KCNT2: variants seen among roughly 807,000 people sequenced by gnomAD.
KCNT2 encodes the protein potassium sodium-activated channel subfamily T member 2, also known as potassium channel subfamily T member 2.
KCNT2 carries 67 observed loss-of-function variants against 153.8 expected under a neutral mutation model. That is an observed-to-expected ratio of 0.44 (90% CI 0.36 to 0.53). The LOEUF is 0.53. KCNT2 is among the 20% of genes least tolerant of loss of function. The pLI is 0.00. For missense variants in KCNT2, 975 were observed against 1,354.8 expected (o/e 0.72, Z 4.40); for synonymous variants, 500 against 458.8 (o/e 1.09, Z -1.15).
At chr1:196,394,718 T>G (rs925842721) in intron 13 of KCNT2, among the ~76,000 whole-genome samples, 1 of 151,544 alleles carries the variant, frequency 6.6e-6, no homozygotes, top group African/African-American at 2.4e-5. Context: ...TCTTTTTAAT[T>G]TTCCTTGTAG....
At chr1:196,463,936 A>C (rs1055812205) in intron 8 of KCNT2, among the ~76,000 whole-genome samples, 1 of 151,854 alleles carries the variant, frequency 6.6e-6, no homozygotes, top group Admixed American at 6.6e-5. Flanking sequence ...CCTTTTTCTC[A>C]CACTAACATC....
At chr1:196,299,648 G>A (rs1159924461) in intron 22 of KCNT2, among the ~76,000 whole-genome samples, 2 of 152,086 alleles carry the variant, frequency 1.3e-5, no homozygotes, top group African/African-American at 4.8e-5. Flanking sequence ...ATAACTGTTG[G>A]TTATAAGAAT....
intron 13 of KCNT2, among the ~76,000 whole-genome samples, chr1:196,383,425 G>C (rs911477786): frequency 6.6e-6 from 1 of 152,140 alleles, no homozygotes; most frequent in Non-Finnish European, 1.5e-5. Context: ...CTCAATTGCT[G>C]TATTTATCAT....
chr1:196,392,189 G>GT lies in KCNT2; in HGVS notation c.1294+6373dup, dbSNP rs902000651. Among the ~76,000 whole-genome samples the GT allele has an allele frequency of 7.3e-5, 11 of 151,046 alleles. No homozygotes were observed. The South Asian group carries it at 1.0e-3, about 14-fold the overall frequency. ...TTTGAATGTAGATGGAGAGAATATG[G>GT]TTTTTTTTAATTGTGTAACTGTTTT... On this transcript the variant is annotated intron_variant, in intron 13 of 27. Transcript: ENST00000294725.
intron 24 of KCNT2, among the ~76,000 whole-genome samples, chr1:196,281,946 T>C (rs1199867673): frequency 6.6e-6 from 1 of 151,904 alleles, no homozygotes; most frequent in African/African-American, 2.4e-5. Flanking sequence ...AGACGGGGTT[T>C]CACTGTGTTA....
intron 14 of KCNT2, among the ~76,000 whole-genome samples, chr1:196,368,258 A>G (rs1668207787): frequency 6.6e-6 from 1 of 152,164 alleles, no homozygotes; most frequent in South Asian, 2.1e-4. Flanking sequence ...TCCCTTTATC[A>G]TGCAGAAGCA....
chr1:196,365,184 T>C (rs1667936845), intron 14 of KCNT2, among the ~76,000 whole-genome samples: 1 of 152,102 alleles, frequency 6.6e-6, no homozygotes, highest in South Asian at 2.1e-4. Context: ...TATTTGCTTA[T>C]ACTAATAGAA....
At chr1:196,285,003 TTGTC>T (rs764222596) in intron 23 of KCNT2, among the ~76,000 whole-genome samples, 44 of 152,354 alleles carry the variant, frequency 2.9e-4, no homozygotes, top group Non-Finnish European at 4.4e-4. Flanking sequence ...TATTTAGAGA[TTGTC>T]TGATTACTTG....
intron 8 of KCNT2, among the ~76,000 whole-genome samples, chr1:196,444,825 G>T (rs527356613): frequency 1.3e-4 from 19 of 151,410 alleles, no homozygotes; most frequent in South Asian, 4.1e-4. Context: ...TACTGATATT[G>T]TGAGTGGTTC....
chr1:196,280,797 C>G lies in KCNT2; in HGVS notation c.2910+63G>C, dbSNP rs1238500037. On this transcript the variant is annotated intron_variant, in intron 25 of 27. Coordinates refer to ENST00000294725, the MANE Select transcript of KCNT2 (RefSeq NM_198503.5). ...CATTTTTTATAAATCAGTTTATAAG[C>G]TTATGAATGATTGCACTCATCAGAT... 3 of 1,401,690 alleles carry G rather than the reference C, an allele frequency of 2.1e-6. No homozygotes were observed. The Admixed American group carries it at 5.2e-5, about 24-fold the overall frequency. 86.8% of individuals were successfully genotyped at this position (1,401,690 alleles called of 1,614,324 possible).
chr1:196,549,244 C>A (rs1423627540), intron 1 of KCNT2, among the ~76,000 whole-genome samples: 1 of 151,610 alleles, frequency 6.6e-6, no homozygotes, highest in Non-Finnish European at 1.5e-5. Flanking sequence ...TCTATTGTGA[C>A]CCTGTTTTGT....
chr1:196,596,720 T>TTTTG (rs1664131621), intron 1 of KCNT2, among the ~76,000 whole-genome samples: 1 of 152,152 alleles, frequency 6.6e-6, no homozygotes, highest in South Asian at 2.1e-4. Flanking sequence ...CAATTATTTA[T>TTTTG]TTTGTTTGTT....
chr1:196,265,661 A>G (rs1403203438), intron 25 of KCNT2, among the ~76,000 whole-genome samples: 1 of 152,146 alleles, frequency 6.6e-6, no homozygotes, highest in African/African-American at 2.4e-5. Flanking sequence ...ATGGAAGAAG[A>G]GCAGTTACCA....
chr1:196,284,248 A>AAATATATATATATATATATAT, intron 23 of KCNT2, among the ~76,000 whole-genome samples: 1 of 10,052 alleles, frequency 9.9e-5, no homozygotes, highest in Non-Finnish European at 5.3e-4. Context: ...AAAAAAAAAA[A>AAATATATATATATATATATAT]ATATATATAT....
chr1:196,597,773 G>A (rs760385741), intron 1 of KCNT2, among the ~76,000 whole-genome samples: 5 of 151,978 alleles, frequency 3.3e-5, no homozygotes, highest in African/African-American at 9.7e-5. Context: ...TTTTCATTCT[G>A]TTGTACTTTC....
Position 196,305,164 on chromosome 1 carries a change from A to T in KCNT2, c.2595+70T>A. The T allele has an allele frequency of 5.7e-6, 5 of 877,480 alleles. No homozygotes were observed. In the Admixed American group the frequency reaches 8.3e-5, roughly 14 times the overall value. 54.4% of individuals were successfully genotyped at this position (877,480 alleles called of 1,614,324 possible). On this transcript the variant is annotated intron_variant, in intron 22 of 27. Coordinates refer to ENST00000294725, the MANE Select transcript of KCNT2 (RefSeq NM_198503.5). ...TTTACTATCTCATGGCATTTTTTTT[A>T]TATATTTACAGAGTTAATTTCTGAA...
intron 16 of KCNT2, among the ~76,000 whole-genome samples, chr1:196,339,712 C>G (rs1329999469): frequency 1.3e-5 from 2 of 151,950 alleles, no homozygotes; most frequent in African/African-American, 4.8e-5. Context: ...ACACATTTTC[C>G]TTGTGACAGA....
chr1:196,253,654 A>T (rs1348042685), intron 26 of KCNT2, among the ~76,000 whole-genome samples: 6 of 151,542 alleles, frequency 4.0e-5, no homozygotes, highest in Admixed American at 3.3e-4. Flanking sequence ...AAGTCTGCAC[A>T]ATATTGTTTC....
intron 25 of KCNT2, among the ~76,000 whole-genome samples, chr1:196,263,957 T>A (rs1657275029): frequency 6.6e-6 from 1 of 152,190 alleles, no homozygotes; most frequent in African/African-American, 2.4e-5. Context: ...TATGTGTGTG[T>A]GTGTTTAATT....
Sources: allele counts gnomAD v4.1 joint callset (sites outside exome capture counted in the v4.1 genomes callset), GRCh38; gene constraint gnomAD v4.1.1; transcripts MANE v1.5; gene names NCBI Gene and HGNC (gene_info 2026-07-23, HGNC 2026-07-21).